FAT3: variants seen among roughly 807,000 people sequenced by gnomAD.
FAT3 encodes the protein FAT atypical cadherin 3.
In FAT3, 95 loss-of-function variants were observed where a neutral mutation model predicts 310.2. That is an observed-to-expected ratio of 0.31 (90% CI 0.26 to 0.36). The LOEUF (loss-of-function observed/expected upper bound fraction) is 0.36. Ranked by LOEUF, FAT3 falls within the 10% of genes least tolerant of loss-of-function variation. FAT3 has a pLI of 1.00. For synonymous variants in FAT3, 2,314 were observed against 2,192.9 expected (o/e 1.06, Z -1.54); for missense variants, 5,408 against 5,715.6 (o/e 0.95, Z 1.74).
chr11:92,859,685 T>C (rs1423892557), intron 21 of FAT3, among the ~76,000 whole-genome samples: 10 of 152,156 alleles, frequency 6.6e-5, no homozygotes, highest in African/African-American at 2.2e-4. Flanking sequence ...CATGGGTCTA[T>C]CCCCACTGAC....
At chr11:92,869,237 T>C (rs1388187299) in intron 22 of FAT3, among the ~76,000 whole-genome samples, 1 of 152,236 alleles carries the variant, frequency 6.6e-6, no homozygotes, top group African/African-American at 2.4e-5. Context: ...CTCTGTTCTC[T>C]GTTCCGTTGA....
intron 22 of FAT3, among the ~76,000 whole-genome samples, chr11:92,876,225 C>A (rs965875274): frequency 6.6e-6 from 1 of 152,136 alleles, no homozygotes; most frequent in African/African-American, 2.4e-5. Flanking sequence ...CTGTGGTTGT[C>A]TAAGATTATA....
intron 3 of FAT3, among the ~76,000 whole-genome samples, chr11:92,551,414 T>TTGTGTG (rs71473973): frequency 1.7e-3 from 213 of 128,956 alleles, no homozygotes; most frequent in Admixed American, 2.5e-3. Context: ...TTTTTTTGTT[T>TTGTGTG]TGTGTGTGTG....
rs546823569 is a variant in FAT3 at position 92,772,513 on chromosome 11, C to T, written c.4196-1528C>T. ...TTCCCTTTTCAGCCTAGACTCCCCC[C>T]TCTCTCCTTATCCTATCTTCAAACA... is the stretch of plus-strand genomic sequence containing the variant. On this transcript the variant is annotated intron_variant, in intron 6 of 27. Transcript: ENST00000525166. 3.3e-5 allele frequency among the ~76,000 whole-genome samples: 5 copies of T among 152,194 alleles called. No individual in the cohort carries two copies. In the South Asian group the frequency reaches 6.2e-4, roughly 19 times the overall value.
intron 1 of FAT3, among the ~76,000 whole-genome samples, chr11:92,279,208 G>A (rs1946357578): frequency 6.6e-6 from 1 of 151,934 alleles, no homozygotes; most frequent in Non-Finnish European, 1.5e-5. Context: ...TATCCATCAG[G>A]GCTCAGCTGC....
At chr11:92,309,286 C>A (rs978519948) in intron 1 of FAT3, among the ~76,000 whole-genome samples, 1 of 149,950 alleles carries the variant, frequency 6.7e-6, no homozygotes, top group African/African-American at 2.5e-5. Flanking sequence ...CTAGAGCTCT[C>A]CCCCCAGCCC....
intron 2 of FAT3, among the ~76,000 whole-genome samples, chr11:92,458,270 A>G (rs529289390): frequency 5.3e-5 from 8 of 152,288 alleles, no homozygotes; most frequent in Admixed American, 2.6e-4. Context: ...GCTAACTGAT[A>G]AATAATAAAT....
chr11:92,270,546 C>A (rs1171979375), intron 1 of FAT3, among the ~76,000 whole-genome samples: 3 of 151,616 alleles, frequency 2.0e-5, no homozygotes, highest in African/African-American at 7.3e-5. Flanking sequence ...AATTGCTGGG[C>A]ATGGTGGCAC....
intron 13 of FAT3, among the ~76,000 whole-genome samples, chr11:92,827,998 A>G (rs1349193572): frequency 6.6e-6 from 1 of 152,122 alleles, no homozygotes; most frequent in Non-Finnish European, 1.5e-5. Flanking sequence ...CTCAAATTGG[A>G]GAAGAGAATT....
intron 9 of FAT3, among the ~76,000 whole-genome samples, chr11:92,797,147 G>C (rs1023830674): frequency 3.3e-5 from 5 of 152,148 alleles, no homozygotes; most frequent in African/African-American, 1.2e-4. Context: ...GCATGAGAGA[G>C]GGGTAGAGCA....
At chr11:92,445,873 A>T (rs1951197201) in intron 2 of FAT3, among the ~76,000 whole-genome samples, 1 of 152,058 alleles carries the variant, frequency 6.6e-6, no homozygotes. Flanking sequence ...GGAATTTCAC[A>T]GTTTGGTGTT....
At chr11:92,314,903 G>A (rs1565220283) in intron 1 of FAT3, among the ~76,000 whole-genome samples, 1 of 152,106 alleles carries the variant, frequency 6.6e-6, no homozygotes, top group African/African-American at 2.4e-5. Context: ...AGTGAGGGAA[G>A]GTCACATGAT....
rs1241518555 is a variant in FAT3, at chr11:92,799,155, G to A, written c.6142G>A (p.Glu2048Lys). ...AGTCCCCTTTGACCGTGAAGAACAA[G>A]AGTTATATGAGCTGGTGGTAGAAGC... is the stretch of plus-strand genomic sequence containing the variant. ...TGVPFDREEQ[E>K]LYELVVEASR... Residue 2048 changes from glutamate (E) to lysine (K), a missense_variant, in exon 10 of 28, where the codon GAG becomes AAG. Transcript: ENST00000525166. The A allele has an allele frequency of 1.2e-6, 2 of 1,613,964 alleles. No individual in the cohort carries two copies. Among genetic ancestry groups the A allele is most frequent in the Admixed American group, 1.7e-5 (1 of 60,016 alleles).
chr11:92,864,815 A>G (rs1326626017), intron 21 of FAT3, among the ~76,000 whole-genome samples: 1 of 151,232 alleles, frequency 6.6e-6, no homozygotes, highest in Non-Finnish European at 1.5e-5. Flanking sequence ...GACTCCATCT[A>G]AAAAAAAAGA....
At chr11:92,458,621 G>T (rs1326309973) in intron 2 of FAT3, among the ~76,000 whole-genome samples, 1 of 152,132 alleles carries the variant, frequency 6.6e-6, no homozygotes, top group Admixed American at 6.6e-5. Flanking sequence ...TCTCTGACCT[G>T]CTCAGTTTCC....
At chr11:92,645,131 G>A (rs149188727) in intron 3 of FAT3, among the ~76,000 whole-genome samples, 18 of 152,224 alleles carry the variant, frequency 1.2e-4, no homozygotes, top group Admixed American at 5.9e-4. Flanking sequence ...TAAAATGTGC[G>A]AATACCAAAT....
chr11:92,881,982 A>G (rs1325290027), intron 23 of FAT3, among the ~76,000 whole-genome samples: 1 of 152,174 alleles, frequency 6.6e-6, no homozygotes, highest in Non-Finnish European at 1.5e-5. Flanking sequence ...AGAGGGACCA[A>G]AAATTACTGT....
chr11:92,595,656 C>T (rs1185970624), intron 3 of FAT3, among the ~76,000 whole-genome samples: 1 of 152,142 alleles, frequency 6.6e-6, no homozygotes, highest in Non-Finnish European at 1.5e-5. Context: ...AGCTTATTCC[C>T]ACATCTTATT....
intron 2 of FAT3, among the ~76,000 whole-genome samples, chr11:92,477,788 T>C (rs1952088047): frequency 6.6e-6 from 1 of 152,352 alleles, no homozygotes; most frequent in South Asian, 2.1e-4. Context: ...TCTATGTCTG[T>C]ATTAGAACAC....
Sources: gnomAD v4.1 joint callset for allele counts (sites outside exome capture counted in the v4.1 genomes callset) on GRCh38, gnomAD v4.1.1 for gene constraint, MANE v1.5 for transcripts, NCBI Gene and HGNC (gene_info 2026-07-23, HGNC 2026-07-21) for gene names.